Variants in OLFM3 observed in about 807,000 individuals in gnomAD.
The protein encoded by OLFM3 is olfactomedin 3.
A neutral mutation model predicts 48.6 loss-of-function variants in OLFM3; 20 were observed. That is an observed-to-expected ratio of 0.41 (90% CI 0.29 to 0.60). The LOEUF (loss-of-function observed/expected upper bound fraction) is 0.60, where lower values mean the gene tolerates loss of function less well. OLFM3 is among the 20% of genes least tolerant of loss of function. The pLI is 0.28. For synonymous variants in OLFM3, 222 were observed against 198.1 expected (o/e 1.12, Z -1.01); for missense variants, 437 against 544.3 (o/e 0.80, Z 1.96).
At chr1:101,886,022 A>G (rs577431410) in intron 1 of OLFM3, among the ~76,000 whole-genome samples, 3 of 152,248 alleles carry the variant, frequency 2.0e-5, no homozygotes, top group South Asian at 4.1e-4. Flanking sequence ...CTCAATTAAT[A>G]TCTTATAATA....
intron 1 of OLFM3, among the ~76,000 whole-genome samples, chr1:101,992,432 A>C (rs1032597540): frequency 2.0e-5 from 3 of 151,878 alleles, no homozygotes; most frequent in Non-Finnish European, 2.9e-5. Context: ...TGAACTCTTC[A>C]GTTTTTGCCA....
At chr1:101,945,078 C>G (rs138559919) in intron 1 of OLFM3, among the ~76,000 whole-genome samples, 313 of 152,276 alleles carry the variant, frequency 2.1e-3, no homozygotes, top group African/African-American at 7.3e-3. Flanking sequence ...CTGGAACTCT[C>G]ATACACTGCT....
intron 1 of OLFM3, among the ~76,000 whole-genome samples, chr1:101,926,152 G>C (rs1251765893): frequency 6.6e-6 from 1 of 152,056 alleles, no homozygotes; most frequent in East Asian, 1.9e-4. Flanking sequence ...AATTTAACTA[G>C]ATCATTAAAA....
intron 1 of OLFM3, among the ~76,000 whole-genome samples, chr1:101,886,556 T>C (rs978596145): frequency 1.1e-4 from 16 of 152,104 alleles, no homozygotes; most frequent in Admixed American, 6.6e-5. Flanking sequence ...GCATGTTAGC[T>C]TGGGGGAACC....
intron 1 of OLFM3, among the ~76,000 whole-genome samples, chr1:101,975,797 T>C (rs1432305859): frequency 6.6e-6 from 1 of 151,980 alleles, no homozygotes; most frequent in Non-Finnish European, 1.5e-5. Flanking sequence ...GCTACTATCT[T>C]GAGGAAAGAA....
chr1:101,910,373 A>G (rs529485360), intron 1 of OLFM3, among the ~76,000 whole-genome samples: 5 of 151,962 alleles, frequency 3.3e-5, no homozygotes, highest in Admixed American at 1.3e-4. Flanking sequence ...GGCTGAGGCC[A>G]GAGAATGGCG....
intron 1 of OLFM3, among the ~76,000 whole-genome samples, chr1:101,895,624 T>C (rs1658170349): frequency 6.6e-6 from 1 of 152,186 alleles, no homozygotes; most frequent in Non-Finnish European, 1.5e-5. Flanking sequence ...CATGTCAAGA[T>C]AGCCTGTGAA....
At chr1:101,919,621 C>T (rs959766224) in intron 1 of OLFM3, among the ~76,000 whole-genome samples, 14 of 152,152 alleles carry the variant, frequency 9.2e-5, no homozygotes, top group African/African-American at 2.9e-4. Flanking sequence ...CCTTAACCCG[C>T]GATGATGGGG....
chr1:101,850,944 G>C (rs1235149900), intron 1 of OLFM3, among the ~76,000 whole-genome samples: 1 of 152,002 alleles, frequency 6.6e-6, no homozygotes, highest in Non-Finnish European at 1.5e-5. Context: ...GAGATAAGAA[G>C]GAGGACAGCA....
rs77636853 is a variant in OLFM3 at position 101,806,434 on chromosome 1, C to T, written c.593-252G>A. Among the ~76,000 whole-genome samples the T allele has an allele frequency of 6.3e-3, 954 of 151,642 alleles. 10 individuals are homozygous for T. The highest frequency in any genetic ancestry group is 0.02 in the African/African-American group (833 of 41,410). ...AAAGTGGGAAATGATTTGTACAATC[C>T]GGAAAGAAATAAATGAGGAATATCA... On this transcript the variant is annotated intron_variant, in intron 4 of 5. Coordinates refer to ENST00000370103, the MANE Select transcript of OLFM3 (RefSeq NM_058170.4).
chr1:101,878,654 C>T (rs1657396240), intron 1 of OLFM3, among the ~76,000 whole-genome samples: 1 of 151,852 alleles, frequency 6.6e-6, no homozygotes, highest in South Asian at 2.1e-4. Flanking sequence ...GAGCTGGTGG[C>T]ATCCTTAGTT....
intron 1 of OLFM3, among the ~76,000 whole-genome samples, chr1:101,868,987 A>G (rs1656966406): frequency 6.6e-6 from 1 of 152,208 alleles, no homozygotes; most frequent in African/African-American, 2.4e-5. Context: ...GGATGTATGG[A>G]AACACCTGGA....
At chr1:101,828,895 T>C (rs961046843) in intron 3 of OLFM3, among the ~76,000 whole-genome samples, 4 of 152,202 alleles carry the variant, frequency 2.6e-5, no homozygotes, top group African/African-American at 4.8e-5. Flanking sequence ...ACCCTGAGAA[T>C]TGAAAATTGA....
chr1:101,818,125 C>G (rs1307052171), intron 4 of OLFM3, among the ~76,000 whole-genome samples: 1 of 152,032 alleles, frequency 6.6e-6, no homozygotes, highest in Non-Finnish European at 1.5e-5. Context: ...TTTACCTTTT[C>G]TGGGATTAAG....
chr1:101,883,775 C>T lies in OLFM3; in HGVS notation c.70-46750G>A, dbSNP rs151254881. On this transcript the variant is annotated intron_variant, in intron 1 of 5. Transcript: ENST00000370103. ...AATTGCATTTTTGTATTCTCAAGAA[C>T]GTATACTTTTAGAGTTACAGGTTAC... 2.9e-3 allele frequency among the ~76,000 whole-genome samples: 445 copies of T among 151,918 alleles called. 5 individuals are homozygous for T. The highest frequency in any genetic ancestry group is 9.9e-3 in the African/African-American group (412 of 41,432).
chr1:101,827,701 G>A (rs1053383201), intron 3 of OLFM3, among the ~76,000 whole-genome samples: 1 of 152,096 alleles, frequency 6.6e-6, no homozygotes, highest in Admixed American at 6.5e-5. Context: ...GAGACCTAAA[G>A]TCTACTTGGA....
intron 1 of OLFM3, among the ~76,000 whole-genome samples, chr1:101,854,135 A>G (rs772263637): frequency 4.1e-5 from 6 of 147,940 alleles, no homozygotes; most frequent in South Asian, 4.2e-4. Context: ...CTCAATAAAT[A>G]TGATAAAATT....
intron 1 of OLFM3, among the ~76,000 whole-genome samples, chr1:101,987,248 A>G (rs1380050291): frequency 6.6e-6 from 1 of 152,176 alleles, no homozygotes; most frequent in Non-Finnish European, 1.5e-5. Context: ...ATTATATTAC[A>G]ATAGCTATCT....
chr1:101,806,791 A>T (rs1423480532), intron 4 of OLFM3, among the ~76,000 whole-genome samples: 1 of 151,806 alleles, frequency 6.6e-6, no homozygotes, highest in African/African-American at 2.4e-5. Context: ...GAACACACAA[A>T]GAACAAAACC....
Sources: gnomAD v4.1 joint callset for allele counts (sites outside exome capture counted in the v4.1 genomes callset) on GRCh38, gnomAD v4.1.1 for gene constraint, MANE v1.5 for transcripts, NCBI Gene and HGNC (gene_info 2026-07-23, HGNC 2026-07-21) for gene names.